Variants in PDE3B observed in about 807,000 individuals in gnomAD.
The protein encoded by PDE3B is phosphodiesterase 3B.
A neutral mutation model predicts 116.8 loss-of-function variants in PDE3B; 66 were observed. That is an observed-to-expected ratio of 0.56 (90% CI 0.46 to 0.69). The LOEUF is 0.69. PDE3B is among the 30% of genes least tolerant of loss of function. The pLI is 0.00. For synonymous variants in PDE3B, 595 were observed against 533.6 expected (o/e 1.12, Z -1.59); for missense variants, 1,384 against 1,368.1 (o/e 1.01, Z -0.18).
intron 1 of PDE3B, among the ~76,000 whole-genome samples, chr11:14,743,605 G>A (rs181740215): frequency 1.3e-4 from 20 of 152,314 alleles, no homozygotes; most frequent in Non-Finnish European, 2.5e-4. Context: ...TGCCACTGGG[G>A]TATGAAAAGA....
intron 1 of PDE3B, among the ~76,000 whole-genome samples, chr11:14,657,645 T>A (rs2133756469): frequency 6.6e-6 from 1 of 152,338 alleles, no homozygotes; most frequent in Non-Finnish European, 1.5e-5. Flanking sequence ...ATAACTTTAA[T>A]ACCTGAAAAC....
chr11:14,822,149 C>T (rs532470380), intron 7 of PDE3B, among the ~76,000 whole-genome samples: 5 of 152,226 alleles, frequency 3.3e-5, no homozygotes, highest in East Asian at 1.9e-4. Flanking sequence ...GTGATCCTCC[C>T]GCCTTGGCCT....
At chr11:14,701,754 T>G (rs997048541) in intron 1 of PDE3B, among the ~76,000 whole-genome samples, 4 of 151,726 alleles carry the variant, frequency 2.6e-5, no homozygotes, top group Admixed American at 6.6e-5. Context: ...ATTACTTGAT[T>G]ATGGAAATAC....
intron 1 of PDE3B, among the ~76,000 whole-genome samples, chr11:14,677,633 A>G (rs1854570388): frequency 6.6e-6 from 1 of 152,182 alleles, no homozygotes. Flanking sequence ...TACAACATTC[A>G]GGACATAGAG....
intron 1 of PDE3B, among the ~76,000 whole-genome samples, chr11:14,675,555 T>C (rs1050184369): frequency 9.9e-5 from 15 of 152,134 alleles, no homozygotes; most frequent in African/African-American, 3.6e-4. Flanking sequence ...CACTTACTGA[T>C]TTCTATTGCC....
At chr11:14,853,376 C>T (rs1426150338) in intron 12 of PDE3B, among the ~76,000 whole-genome samples, 4 of 152,230 alleles carry the variant, frequency 2.6e-5, no homozygotes, top group Admixed American at 1.3e-4. Context: ...ATACAAAAAG[C>T]ATTTAGTAAA....
chr11:14,716,337 TG>T (rs993631058), intron 1 of PDE3B, among the ~76,000 whole-genome samples: 8 of 152,064 alleles, frequency 5.3e-5, no homozygotes, highest in East Asian at 3.9e-4. Flanking sequence ...GCAGCGAGGC[TG>T]GGGGAGGGGA....
intron 1 of PDE3B, among the ~76,000 whole-genome samples, chr11:14,679,198 G>A (rs902658965): frequency 3.0e-4 from 45 of 148,638 alleles, no homozygotes; most frequent in Non-Finnish European, 8.9e-5. Context: ...TTTCAATATT[G>A]TTTGACCTTT....
At chr11:14,891,960 C>T in the PDE3B span, 2 of 1,609,734 alleles carry the variant, frequency 1.2e-6, no homozygotes, top group East Asian at 2.2e-5. Flanking sequence ...CCTCCCTGCC[C>T]GGGGCCCGTC....
chr11:14,891,476 T>A, the PDE3B span: 2 of 986,726 alleles, frequency 2.0e-6, no homozygotes, highest in Non-Finnish European at 2.4e-6. Flanking sequence ...GCATTCTCCA[T>A]TCTCACAGCA....
At chr11:14,873,425 T>C (rs531318903), downstream of PDE3B, among the ~76,000 whole-genome samples, 3 of 152,284 alleles carry the variant, frequency 2.0e-5, no homozygotes, top group East Asian at 1.9e-4. Context: ...CTGGAATAGA[T>C]TGTGGACCAC....
downstream of PDE3B, among the ~76,000 whole-genome samples, chr11:14,873,404 G>A (rs1848162964): frequency 6.6e-6 from 1 of 152,134 alleles, no homozygotes; most frequent in South Asian, 2.1e-4. Context: ...GGGAGTGCTT[G>A]GTGATATTGA....
chr11:14,661,005 A>T (rs913301506), intron 1 of PDE3B, among the ~76,000 whole-genome samples: 4 of 152,238 alleles, frequency 2.6e-5, no homozygotes, highest in African/African-American at 9.6e-5. Context: ...GCAGTCATTA[A>T]AAAGTCAGGA....
At chr11:14,777,154 A>G (rs909076759) in intron 2 of PDE3B, among the ~76,000 whole-genome samples, 3 of 152,236 alleles carry the variant, frequency 2.0e-5, no homozygotes, top group Admixed American at 2.0e-4. Flanking sequence ...TGGAGATGAC[A>G]GTAGGATAGA....
rs1490010195 is a variant in PDE3B at position 14,849,071 on chromosome 11, A to G, written c.2520+5045A>G. Among the ~76,000 whole-genome samples the G allele has an allele frequency of 6.0e-4, 91 of 151,906 alleles. 1 individual carries two copies. In the East Asian group the frequency reaches 0.017, roughly 28 times the overall value. ...AGAACAAAGCTGGAGGCATCACGCT[A>G]CCTGACTTCAAACTATACTACAAGG... On this transcript the variant is annotated intron_variant, in intron 12 of 15. Coordinates refer to ENST00000282096, the MANE Select transcript of PDE3B (RefSeq NM_000922.4).
chr11:14,717,676 C>T (rs1469162387), intron 1 of PDE3B, among the ~76,000 whole-genome samples: 1 of 128,582 alleles, frequency 7.8e-6, no homozygotes, highest in Non-Finnish European at 1.6e-5. Flanking sequence ...AAGTAAGCTT[C>T]ATAAGTGAAG....
chr11:14,770,504 C>G (rs1394700504), intron 1 of PDE3B, among the ~76,000 whole-genome samples: 1 of 151,464 alleles, frequency 6.6e-6, no homozygotes, highest in African/African-American at 2.4e-5. Flanking sequence ...TTTTAGGAAG[C>G]TATTAACATC....
At chr11:14,770,675 G>A (rs1436767225) in intron 1 of PDE3B, among the ~76,000 whole-genome samples, 1 of 151,530 alleles carries the variant, frequency 6.6e-6, no homozygotes, top group African/African-American at 2.4e-5. Flanking sequence ...AGTTATATCA[G>A]AGCCATTTTG....
chr11:14,810,737 C>T (rs1166678286), intron 5 of PDE3B, among the ~76,000 whole-genome samples: 2 of 141,182 alleles, frequency 1.4e-5, no homozygotes, highest in South Asian at 2.5e-4. Context: ...CCTGAGGAAT[C>T]GCCACACTGA....
Sources: allele counts gnomAD v4.1 joint callset (sites outside exome capture counted in the v4.1 genomes callset), GRCh38; gene constraint gnomAD v4.1.1; transcripts MANE v1.5; gene names NCBI Gene and HGNC (gene_info 2026-07-23, HGNC 2026-07-21).